HSD17B3: variants seen among roughly 807,000 people sequenced by gnomAD.
HSD17B3 encodes hydroxysteroid 17-beta dehydrogenase 3, also known as 17-beta-hydroxysteroid dehydrogenase type 3.
Under a neutral mutation model 41.1 loss-of-function variants are expected in HSD17B3, and 29 were observed. The observed-to-expected ratio is 0.71, with a 90% CI of 0.53 to 0.96. The LOEUF is 0.96. Among genes scored for constraint, HSD17B3 ranks in the 40% least tolerant of loss-of-function variants. The pLI is 0.00. For missense variants in HSD17B3, 323 were observed against 374.6 expected (o/e 0.86, Z 1.14); for synonymous variants, 126 against 145.6 (o/e 0.87, Z 0.97).
chr9:96,245,705 T>A (rs1230013732), intron 7 of HSD17B3, among the ~76,000 whole-genome samples: 2 of 152,176 alleles, frequency 1.3e-5, no homozygotes, highest in African/African-American at 4.8e-5. Context: ...AAACAGGCTG[T>A]GCTACAACTG....
rs1564030192 is a variant in HSD17B3 at position 96,251,614 on chromosome 9, T to TG, written c.386-130dup. The TG allele has an allele frequency of 8.5e-6, 7 of 823,244 alleles. No homozygotes were observed. In the South Asian group the frequency reaches 8.7e-5, roughly 10 times the overall value. 51.0% of individuals were successfully genotyped at this position (823,244 alleles called of 1,614,324 possible). On this transcript the variant is annotated intron_variant, in intron 4 of 10. Coordinates refer to ENST00000375263, the MANE Select transcript of HSD17B3 (RefSeq NM_000197.2). ...CATGATTTGGTAACGGTGAGGAAAC[T>TG]GGGGGGAAGTTTTTGTCCAGTAATA...
In HSD17B3 at chr9:96,245,426, C is replaced by T. The variant is rs752336362; in HGVS notation, c.525G>A (p.Arg175=). The T allele has an allele frequency of 6.2e-7, 1 of 1,613,172 alleles. No individual in the cohort carries two copies. Among genetic ancestry groups the T allele is most frequent in the South Asian group, 1.1e-5 (1 of 91,056 alleles). ...AAATGTTCAGGATGAGACCTTTCTG[C>T]CTGAAAGGCAAAGAAGCAAAGTTCC... is the stretch of plus-strand genomic sequence containing the variant. ...TQLILKHMES[R]QKGLILNISS... The change falls in exon 8 of 11, where the codon AGG becomes AGA. Residue 175 remains arginine, a splice_region_variant and synonymous_variant. Transcript: ENST00000375263.
At chr9:96,243,311 C>T (rs371915206) in intron 9 of HSD17B3, among the ~76,000 whole-genome samples, 99 of 152,302 alleles carry the variant, frequency 6.5e-4, no homozygotes, top group African/African-American at 2.2e-3. Context: ...ATGGGTCAGA[C>T]GGCTTCTGCA....
Position 96,254,868 on chromosome 9 carries a change from C to A in HSD17B3, c.277G>T (p.Glu93Ter), listed in dbSNP as rs753360928. ...CTCCCTTATTTGGGGGGTCACTCAC[C>A]GATCTCTGTGGCAATGGCCTCTAGT... ...EKLEAIATEIERTTGRSVKII... is the reference protein window; with the variant it reads ...EKLEAIATEI Residue 93 changes from glutamate to a stop codon, truncating the protein, a stop_gained and splice_region_variant, in exon 3 of 11, where the codon GAG becomes TAG. Transcript: ENST00000375263. LOFTEE classifies it high-confidence loss of function. 1 of 1,613,352 alleles carries A rather than the reference C, an allele frequency of 6.2e-7. No individual in the cohort carries two copies. Among genetic ancestry groups the A allele is most frequent in the South Asian group, 1.1e-5 (1 of 91,032 alleles).
At chr9:96,296,632 T>G (rs781700199) in intron 2 of HSD17B3, among the ~76,000 whole-genome samples, 41 of 152,182 alleles carry the variant, frequency 2.7e-4, no homozygotes, top group Non-Finnish European at 5.9e-4. Context: ...TTTCTGTATT[T>G]ACTCCCAATT....
intron 2 of HSD17B3, among the ~76,000 whole-genome samples, chr9:96,288,854 G>A (rs951810344): frequency 6.6e-6 from 1 of 151,584 alleles, no homozygotes; most frequent in Non-Finnish European, 1.5e-5. Flanking sequence ...GGAGAATGGC[G>A]TGAACCCGGG....
intron 9 of HSD17B3, among the ~76,000 whole-genome samples, chr9:96,241,468 G>A (rs1273569234): frequency 6.6e-6 from 1 of 152,198 alleles, no homozygotes; most frequent in Non-Finnish European, 1.5e-5. Flanking sequence ...GGAACCAAGA[G>A]TAGCACATAC....
chr9:96,285,342 G>C (rs1192660475), intron 2 of HSD17B3, among the ~76,000 whole-genome samples: 1 of 152,140 alleles, frequency 6.6e-6, no homozygotes, highest in Non-Finnish European at 1.5e-5. Flanking sequence ...CTGTTTTTAA[G>C]TTTGTTTCTG....
chr9:96,268,440 T>C (rs1352913268), intron 2 of HSD17B3, among the ~76,000 whole-genome samples: 2 of 151,974 alleles, frequency 1.3e-5, no homozygotes, highest in African/African-American at 4.8e-5. Flanking sequence ...AAGAAAAAAA[T>C]TAACTCAAGT....
chr9:96,299,558 C>T (rs892660145), intron 1 of HSD17B3, among the ~76,000 whole-genome samples: 2 of 152,304 alleles, frequency 1.3e-5, no homozygotes, highest in South Asian at 4.1e-4. Flanking sequence ...TTGCCATGTA[C>T]TGCTTCTAGT....
intron 2 of HSD17B3, among the ~76,000 whole-genome samples, chr9:96,263,959 A>G (rs1220458740): frequency 6.6e-6 from 1 of 152,180 alleles, no homozygotes; most frequent in Non-Finnish European, 1.5e-5. Flanking sequence ...ACAATGTTTC[A>G]TATTCTTTAA....
In HSD17B3 at chr9:96,240,785, G is replaced by C; in HGVS notation, c.795C>G (p.Thr265=). ...SLNYVTIGGE[T]CGCLAHEILA... ...AGATTTCATGGGCAAGGCAGCCACA[G>C]GTTTCACCTCCAATTGTGACATAAT... Residue 265 remains threonine (T), a synonymous_variant, in exon 10 of 11, where the codon ACC becomes ACG. Transcript: ENST00000375263. The C allele has an allele frequency of 6.2e-7, 1 of 1,614,206 alleles. No individual in the cohort carries two copies. Among genetic ancestry groups the C allele is most frequent in the Non-Finnish European group, 8.5e-7 (1 of 1,180,046 alleles).
chr9:96,252,743 C>T (rs186433719), intron 4 of HSD17B3, 60 bp downstream of exon 4: 3 of 859,160 alleles, frequency 3.5e-6, no homozygotes, highest in Admixed American at 1.7e-5. Context: ...TGTCACTCAT[C>T]AGTGTCAGGT....
rs8190488 is a variant in HSD17B3 at position 96,301,547 on chromosome 9, C to T, written c.154+404G>A. 4.7e-3 allele frequency among the ~76,000 whole-genome samples: 705 copies of T among 151,118 alleles called. 7 individuals are homozygous for T. The highest frequency in any genetic ancestry group is 0.015 in the African/African-American group (627 of 41,132). On this transcript the variant is annotated intron_variant, in intron 1 of 10. Coordinates refer to ENST00000375263, the MANE Select transcript of HSD17B3 (RefSeq NM_000197.2). Reference sequence around the variant, plus strand: ...CCAACATGGGGGAACCCTGTCTCTACTAAAATACAAAAAATTAGCCAGCCG... The same window carrying T: ...CCAACATGGGGGAACCCTGTCTCTATTAAAATACAAAAAATTAGCCAGCCG...
intron 2 of HSD17B3, among the ~76,000 whole-genome samples, chr9:96,291,310 G>C (rs1827146792): frequency 6.6e-6 from 1 of 151,906 alleles, no homozygotes; most frequent in Non-Finnish European, 1.5e-5. Context: ...CTCCCAGCCA[G>C]AGTGGTATCA....
rs371029909 is a variant in HSD17B3, at chr9:96,257,597, C to A, written c.202-2654G>T. ...AATGACGTATTTTATCTCTAAGAAT[C>A]ATATCTATTTCCATAGCAGTCCACG... On this transcript the variant is annotated intron_variant, in intron 2 of 10. Coordinates refer to ENST00000375263, the MANE Select transcript of HSD17B3 (RefSeq NM_000197.2). 2.0e-5 allele frequency among the ~76,000 whole-genome samples: 3 copies of A among 152,190 alleles called. No homozygotes were observed. In the East Asian group the frequency reaches 5.8e-4, roughly 29 times the overall value.
intron 2 of HSD17B3, among the ~76,000 whole-genome samples, chr9:96,282,580 T>C (rs957243649): frequency 1.3e-5 from 2 of 152,340 alleles, no homozygotes; most frequent in South Asian, 2.1e-4. Context: ...CCCCTAGCTA[T>C]GCTGGAGTCA....
chr9:96,267,833 G>T (rs1826096172), intron 2 of HSD17B3, among the ~76,000 whole-genome samples: 1 of 152,102 alleles, frequency 6.6e-6, no homozygotes, highest in Non-Finnish European at 1.5e-5. Flanking sequence ...AAGCAGACAG[G>T]ATGAATGAGA....
chr9:96,274,718 G>T (rs1235342259), intron 2 of HSD17B3, among the ~76,000 whole-genome samples: 2 of 151,916 alleles, frequency 1.3e-5, no homozygotes, highest in African/African-American at 4.8e-5. Flanking sequence ...GAAGAAAAAA[G>T]AATTAAAAAG....
Sources: allele counts gnomAD v4.1 joint callset (sites outside exome capture counted in the v4.1 genomes callset), GRCh38; gene constraint gnomAD v4.1.1; transcripts MANE v1.5; gene names NCBI Gene and HGNC (gene_info 2026-07-23, HGNC 2026-07-21).